SGCZ: variants seen among roughly 807,000 people sequenced by gnomAD.
The protein encoded by SGCZ is sarcoglycan zeta.
A neutral mutation model predicts 41.3 loss-of-function variants in SGCZ; 40 were observed. That is an observed-to-expected ratio of 0.97 (90% CI 0.75 to 1.26). The LOEUF is 1.26. SGCZ is among the 50% of genes most tolerant of loss of function. The probability of loss-of-function intolerance (pLI) is 0.00; values close to 1 mark genes in which losing one functional copy is unlikely to be tolerated. For synonymous variants in SGCZ, 206 were observed against 137.5 expected, an observed-to-expected ratio of 1.50 and a Z score of -3.49; for missense variants, 552 against 369.8, an observed-to-expected ratio of 1.49 and a Z score of -4.04.
chr8:14,982,486 C>T (rs994121408), intron 1 of SGCZ, among the ~76,000 whole-genome samples: 1 of 152,160 alleles, frequency 6.6e-6, no homozygotes, highest in Admixed American at 6.5e-5. Flanking sequence ...GGAGTCAACT[C>T]TACTACATTT....
chr8:14,313,383 G>A (rs568989811), intron 3 of SGCZ, among the ~76,000 whole-genome samples: 1 of 152,062 alleles, frequency 6.6e-6, no homozygotes, highest in African/African-American at 2.4e-5. Context: ...GCGCCATCTC[G>A]GCTCACTGCA....
intron 4 of SGCZ, among the ~76,000 whole-genome samples, chr8:14,185,775 C>T (rs1414628311): frequency 2.6e-5 from 4 of 152,178 alleles, no homozygotes; most frequent in Non-Finnish European, 5.9e-5. Flanking sequence ...GACTCTTAAA[C>T]TGTGTTGTAT....
intron 2 of SGCZ, among the ~76,000 whole-genome samples, chr8:14,396,285 C>CA (rs1798917388): frequency 6.6e-6 from 1 of 152,024 alleles, no homozygotes; most frequent in African/African-American, 2.4e-5. Context: ...TTTTCTGAGC[C>CA]AAAAAATTGT....
At chr8:14,789,769 G>C (rs553126264) in intron 1 of SGCZ, among the ~76,000 whole-genome samples, 1 of 152,054 alleles carries the variant, frequency 6.6e-6, no homozygotes, top group Non-Finnish European at 1.5e-5. Flanking sequence ...GACTAGACCA[G>C]TTAGTCCAAC....
intron 1 of SGCZ, among the ~76,000 whole-genome samples, chr8:14,916,757 C>T (rs1232244422): frequency 2.6e-5 from 4 of 151,622 alleles, no homozygotes; most frequent in African/African-American, 4.9e-5. Flanking sequence ...TGTAACTAGT[C>T]CCACATATGC....
At chr8:14,345,800 T>C (rs1802873561) in intron 2 of SGCZ, among the ~76,000 whole-genome samples, 1 of 152,222 alleles carries the variant, frequency 6.6e-6, no homozygotes, top group East Asian at 1.9e-4. Flanking sequence ...AGATCATGAT[T>C]CTAGACCAAA....
chr8:14,190,960 C>T (rs1805083412), intron 4 of SGCZ, among the ~76,000 whole-genome samples: 1 of 152,150 alleles, frequency 6.6e-6, no homozygotes, highest in South Asian at 2.1e-4. Context: ...TACATTCCCA[C>T]CAAAAGTGTA....
At chr8:14,566,845 G>A (rs1804381188) in intron 1 of SGCZ, among the ~76,000 whole-genome samples, 1 of 152,204 alleles carries the variant, frequency 6.6e-6, no homozygotes, top group African/African-American at 2.4e-5. Flanking sequence ...GCAGGAACCG[G>A]GGCTGCACAC....
At chr8:15,086,330 T>A (rs987464321) in intron 1 of SGCZ, among the ~76,000 whole-genome samples, 27 of 152,164 alleles carry the variant, frequency 1.8e-4, no homozygotes, top group African/African-American at 6.5e-4. Context: ...TAAGCTTGGG[T>A]TTGGAAAAGA....
intron 1 of SGCZ, among the ~76,000 whole-genome samples, chr8:14,945,189 T>C (rs1585401309): frequency 6.6e-6 from 1 of 150,912 alleles, no homozygotes; most frequent in Admixed American, 6.6e-5. Flanking sequence ...GGGGACAGAG[T>C]AATCCTTATG....
chr8:14,831,856 G>T (rs556789229), intron 1 of SGCZ, among the ~76,000 whole-genome samples: 1 of 151,938 alleles, frequency 6.6e-6, no homozygotes, highest in South Asian at 2.1e-4. Context: ...ATGTATATAA[G>T]TATGTATATG....
intron 2 of SGCZ, among the ~76,000 whole-genome samples, chr8:14,533,132 T>C (rs916608871): frequency 3.3e-5 from 5 of 151,964 alleles, no homozygotes; most frequent in Non-Finnish European, 7.4e-5. Context: ...CTCCTAATGC[T>C]ATCCTTCCCC....
At chr8:15,053,249 C>A (rs1027349446) in intron 1 of SGCZ, among the ~76,000 whole-genome samples, 5 of 152,150 alleles carry the variant, frequency 3.3e-5, no homozygotes, top group African/African-American at 1.2e-4. Context: ...CTTTGTCTTT[C>A]TTCCTGCTTC....
chr8:14,184,933 G>C (rs1804855085), intron 4 of SGCZ, among the ~76,000 whole-genome samples: 3 of 152,144 alleles, frequency 2.0e-5, no homozygotes, highest in Admixed American at 2.0e-4. Flanking sequence ...GATTGGTATA[G>C]CAATAAAATT....
intron 4 of SGCZ, among the ~76,000 whole-genome samples, chr8:14,235,052 G>A (rs910684340): frequency 5.9e-5 from 9 of 152,040 alleles, no homozygotes; most frequent in African/African-American, 9.7e-5. Flanking sequence ...ATTCCCTACC[G>A]TTTGTAGACA....
chr8:14,216,659 C>A (rs191690820), intron 4 of SGCZ, among the ~76,000 whole-genome samples: 6 of 151,990 alleles, frequency 3.9e-5, no homozygotes, highest in Admixed American at 2.0e-4. Context: ...ATTAACGGAT[C>A]CAGAAAAATA....
At chr8:15,057,562 C>T (rs886394692) in intron 1 of SGCZ, among the ~76,000 whole-genome samples, 6 of 152,018 alleles carry the variant, frequency 3.9e-5, no homozygotes, top group Admixed American at 3.9e-4. Context: ...ATTAAACAAG[C>T]TTATGAAGCA....
rs538761252 is a variant in SGCZ, at chr8:14,786,178, G to A, written c.40-231252C>T. 2.0e-4 allele frequency among the ~76,000 whole-genome samples: 31 copies of A among 152,068 alleles called. No homozygotes were observed. The East Asian group carries it at 4.6e-3, about 23-fold the overall frequency. On this transcript the variant is annotated intron_variant, in intron 1 of 7. Transcript: ENST00000382080. ...ACTACAGAAGAAAACATTAGTTCTCGTTTTGTCTTTCAAACTTGTCTTTGA... is the reference window on the plus strand; with the variant it reads ...ACTACAGAAGAAAACATTAGTTCTCATTTTGTCTTTCAAACTTGTCTTTGA...
intron 1 of SGCZ, among the ~76,000 whole-genome samples, chr8:14,612,611 G>T (rs559876770): frequency 1.1e-4 from 16 of 152,182 alleles, no homozygotes; most frequent in Non-Finnish European, 1.6e-4. Flanking sequence ...AAAGAATTCA[G>T]ATATTTTTAT....
Sources: allele counts gnomAD v4.1 joint callset (sites outside exome capture counted in the v4.1 genomes callset), GRCh38; gene constraint gnomAD v4.1.1; transcripts MANE v1.5; gene names NCBI Gene and HGNC (gene_info 2026-07-23, HGNC 2026-07-21).